The following ARHGAP11B variants were observed in gnomAD, a reference collection of about 807,000 sequenced individuals.
ARHGAP11B encodes Rho GTPase activating protein 11B.
A neutral mutation model predicts 27.6 loss-of-function variants in ARHGAP11B; 14 were observed. That is an observed-to-expected ratio of 0.51 (90% CI 0.34 to 0.79). The LOEUF is 0.79. Ranked by LOEUF, ARHGAP11B falls within the 30% of genes least tolerant of loss-of-function variation. The probability of loss-of-function intolerance (pLI) is 0.02; values close to 1 mark genes in which losing one functional copy is unlikely to be tolerated. For synonymous variants in ARHGAP11B, 82 were observed against 114.1 expected (o/e 0.72, Z 1.80); for missense variants, 245 against 320.1 (o/e 0.77, Z 1.79).
At chr15:30,635,308 G>C in intron 5 of ARHGAP11B, 120 bp downstream of exon 5, 1 of 1,494,484 alleles carries the variant, frequency 6.7e-7, no homozygotes. Flanking sequence ...TTCTTTCAAA[G>C]GAACTATGAA....
intron 2 of ARHGAP11B, among the ~76,000 whole-genome samples, 196 bp downstream of exon 2, chr15:30,630,969 G>C (rs1299304036): frequency 1.3e-5 from 2 of 151,964 alleles, no homozygotes; most frequent in African/African-American, 4.8e-5. Context: ...CTACTCAGGG[G>C]GCTGGGGTGG....
At chr15:30,642,315 T>C (rs1018747600) in intron 7 of ARHGAP11B, among the ~76,000 whole-genome samples, 2 of 152,040 alleles carry the variant, frequency 1.3e-5, no homozygotes, top group African/African-American at 2.4e-5. Context: ...TTACTTCTTT[T>C]GTAATTGTTT....
intron 10 of ARHGAP11B, among the ~76,000 whole-genome samples, chr15:30,648,195 C>T (rs11070492): frequency 6.6e-6 from 1 of 151,984 alleles, no homozygotes; most frequent in Non-Finnish European, 1.5e-5. Context: ...CTTGGCCACC[C>T]TTATCTGTCC....
intron 7 of ARHGAP11B, among the ~76,000 whole-genome samples, chr15:30,641,068 G>T (rs1334937467): frequency 6.6e-6 from 1 of 151,728 alleles, no homozygotes; most frequent in Non-Finnish European, 1.5e-5. Flanking sequence ...CAAAACAGAG[G>T]TTAAACAGTC....
At chr15:30,647,374 C>T (rs2060356966) in intron 9 of ARHGAP11B, among the ~76,000 whole-genome samples, 1 of 151,760 alleles carries the variant, frequency 6.6e-6, no homozygotes, top group Non-Finnish European at 1.5e-5. Flanking sequence ...TTCATTTGCT[C>T]CCAGGATAGT....
exon 11 of ARHGAP11B, chr15:30,649,151 AT>A (rs1372105769): frequency 6.6e-6 from 1 of 151,794 alleles, no homozygotes; most frequent in Non-Finnish European, 1.5e-5. Context: ...CACACATACT[AT>A]TTTTCCTCTG....
intron 7 of ARHGAP11B, among the ~76,000 whole-genome samples, chr15:30,640,540 A>T (rs2060309278): frequency 6.6e-6 from 1 of 150,380 alleles, no homozygotes; most frequent in Non-Finnish European, 1.5e-5. Context: ...TGAAACTCTA[A>T]GCCCAGGGTC....
exon 9 of ARHGAP11B, chr15:30,646,243 G>C (rs1227545974): frequency 1.4e-5 from 15 of 1,035,648 alleles, no homozygotes; most frequent in Non-Finnish European, 1.8e-5. Context: ...TGCTATTTGT[G>C]CATGGTGGCT....
In ARHGAP11B at chr15:30,640,446, T is replaced by G. The variant is rs2060308618; in HGVS notation, c.*78+1626T>G. Among the ~76,000 whole-genome samples the G allele has an allele frequency of 3.2e-5, 4 of 125,060 alleles. No homozygotes were observed. In the South Asian group the frequency reaches 1.2e-3, roughly 37 times the overall value. The allele number at this position is 125,060 out of a possible 152,430, so 82.0% of individuals were successfully genotyped here. ...GATCATGCTAATCCGGAGATTAGTC[T>G]GGGTCTTAGATTCAATTGGCTCTTT... On this transcript the variant is annotated intron_variant, in intron 7 of 10. Coordinates refer to ENST00000428041, the Ensembl canonical transcript of ARHGAP11B.
At chr15:30,645,366 T>C (rs889235276) in intron 8 of ARHGAP11B, among the ~76,000 whole-genome samples, 1 of 152,008 alleles carries the variant, frequency 6.6e-6, no homozygotes, top group South Asian at 2.1e-4. Flanking sequence ...TAAGGGTTTG[T>C]ATCAGTCAAC....
intron 1 of ARHGAP11B, 60 bp from the exon 2 acceptor site, chr15:30,630,643 T>G: frequency 6.4e-7 from 1 of 1,556,366 alleles, no homozygotes; most frequent in Admixed American, 2.0e-5. Context: ...TGCCTAAAGT[T>G]TAAGAAAACT....
chr15:30,640,084 C>T (rs2060306634), intron 7 of ARHGAP11B, among the ~76,000 whole-genome samples: 1 of 139,758 alleles, frequency 7.2e-6, no homozygotes, highest in Non-Finnish European at 1.5e-5. Context: ...AGCATTGATG[C>T]TTAGGTTTTA....
At chr15:30,627,096 A>G in intron 1 of ARHGAP11B, 147 bp downstream of exon 1, 1 of 1,289,640 alleles carries the variant, frequency 7.8e-7, no homozygotes, top group Non-Finnish European at 1.0e-6. Flanking sequence ...GATTGCTGAT[A>G]TTTAAAAAGT....
intron 7 of ARHGAP11B, chr15:30,641,554 G>A (rs2060315678): frequency 6.6e-6 from 1 of 151,732 alleles, no homozygotes; most frequent in African/African-American, 2.4e-5. Flanking sequence ...TGGCCAGGCT[G>A]GTCTTGAACT....
intron 7 of ARHGAP11B, among the ~76,000 whole-genome samples, chr15:30,643,499 G>C (rs1322302950): frequency 1.3e-5 from 2 of 151,954 alleles, no homozygotes; most frequent in Non-Finnish European, 2.9e-5. Flanking sequence ...GGCTGGTCTT[G>C]AACTCCTGAC....
rs367843325 is a variant in ARHGAP11B at position 30,626,968 on chromosome 15, G to T, written c.129+19G>T. ...AATAGGGGTAAGTTCTGTGAAAAGG[G>T]ATTTAGGTTTAAAAGAAAGGGCACA... On this transcript the variant is annotated intron_variant, in intron 1 of 10. Transcript: ENST00000428041. The T allele has an allele frequency of 3.1e-6, 5 of 1,611,458 alleles. No individual in the cohort carries two copies. The African/African-American group carries it at 6.7e-5, about 22-fold the overall frequency.
exon 9 of ARHGAP11B, chr15:30,646,295 G>T: frequency 4.3e-6 from 4 of 922,988 alleles, no homozygotes; most frequent in Non-Finnish European, 5.4e-6. Flanking sequence ...TTTCCCCGCT[G>T]GTAGGCCTCT....
At chr15:30,645,539 A>G (rs1595680335) in intron 8 of ARHGAP11B, among the ~76,000 whole-genome samples, 1 of 152,006 alleles carries the variant, frequency 6.6e-6, no homozygotes, top group African/African-American at 2.4e-5. Context: ...TCTTTGGTTT[A>G]TTTAGGAAAT....
At chr15:30,629,172 C>T (rs1440933457) in intron 1 of ARHGAP11B, among the ~76,000 whole-genome samples, 1 of 152,034 alleles carries the variant, frequency 6.6e-6, no homozygotes, top group Non-Finnish European at 1.5e-5. Context: ...GACTTAGGAT[C>T]TGTGTGAGGA....
Sources: allele counts gnomAD v4.1 joint callset (sites outside exome capture counted in the v4.1 genomes callset), GRCh38; gene constraint gnomAD v4.1.1; transcripts MANE v1.5; gene names NCBI Gene and HGNC (gene_info 2026-07-23, HGNC 2026-07-21).